LRTM2: variants seen among roughly 807,000 people sequenced by gnomAD.
The protein encoded by LRTM2 is leucine rich repeat transmembrane protein 2, also known as leucine-rich repeat and transmembrane domain-containing protein 2.
LRTM2 carries 18 observed loss-of-function variants against 28.1 expected under a neutral mutation model. The ratio of observed to expected loss-of-function variants is 0.64; its 90% CI spans 0.44 to 0.95. LRTM2 has a LOEUF of 0.95. Among genes scored for constraint, LRTM2 ranks in the 40% least tolerant of loss-of-function variants. The probability of loss-of-function intolerance (pLI) is 0.00; values close to 1 mark genes in which losing one functional copy is unlikely to be tolerated. For synonymous variants in LRTM2, 250 were observed against 218.7 expected, an observed-to-expected ratio of 1.14 and a Z score of -1.26; for missense variants, 436 against 497.2, an observed-to-expected ratio of 0.88 and a Z score of 1.17.
rs1026162791 is a variant in LRTM2, at chr12:1,831,062, C to T, written c.195C>T (p.Asp65=). 97 of 1,613,960 alleles carry T rather than the reference C, an allele frequency of 6.0e-5. No homozygotes were observed. Among genetic ancestry groups the T allele is most frequent in the Middle Eastern group, 1.6e-4 (1 of 6,084 alleles). The change falls in exon 4 of 5, where the codon GAC becomes GAT. Residue 65 remains aspartate (D), a synonymous_variant. Coordinates refer to ENST00000299194, the MANE Select transcript of LRTM2 (RefSeq NM_001039029.3). The part of the protein sequence containing the change: ...SGLGLTTVPP[D]VPAATRTLLL... ...TTGGCCTCACCACGGTGCCCCCAGA[C>T]GTGCCCGCAGCCACCCGAACCCTCT...
At chr12:1,827,807 T>A in intron 2 of LRTM2, 1 of 298,334 alleles carries the variant, frequency 3.4e-6, no homozygotes, top group Non-Finnish European at 6.2e-6. Context: ...AGAAGGCAGA[T>A]GAGGCTGGGT....
intron 1 of LRTM2, among the ~76,000 whole-genome samples, chr12:1,824,271 T>A (rs1310524249): frequency 1.3e-5 from 2 of 152,212 alleles, no homozygotes; most frequent in African/African-American, 4.8e-5. Context: ...GGGGATCTTG[T>A]TAAAATGCGG....
Position 1,821,634 on chromosome 12 carries a change from C to T in LRTM2, c.-259+820C>T, listed in dbSNP as rs58625032. The stretch of plus-strand genomic sequence containing the variant: ...CTGAGCTTGGGTGGGGGGTACACAG[C>T]GGGGCCAGGCCTGCCTGGCTTCTTG... On this transcript the variant is annotated intron_variant, in intron 1 of 4. Coordinates refer to ENST00000299194, the MANE Select transcript of LRTM2 (RefSeq NM_001039029.3). Among the ~76,000 whole-genome samples, 526 of 152,224 alleles carry T rather than the reference C, an allele frequency of 3.5e-3. 2 individuals are homozygous for T. The highest frequency in any genetic ancestry group is 0.012 in the African/African-American group (491 of 41,546).
rs1050848722 is a variant in LRTM2 at position 1,828,802 on chromosome 12, C to T, written c.67+587C>T. Reference sequence around the variant, plus strand: ...CCTCCTGCATATAGGCAGACTGAGCCGTCCATTTACCAAAAAGGGGAGGAA... The same window carrying T: ...CCTCCTGCATATAGGCAGACTGAGCTGTCCATTTACCAAAAAGGGGAGGAA... On this transcript the variant is annotated intron_variant, in intron 3 of 4. Coordinates refer to ENST00000299194, the MANE Select transcript of LRTM2 (RefSeq NM_001039029.3). This position sits in a 1 kb window ranked among gnomAD's most constrained non-coding sequence, Gnocchi z 4.2. Among the ~76,000 whole-genome samples, 6 of 152,130 alleles carry T rather than the reference C, an allele frequency of 3.9e-5. No homozygotes were observed. Among genetic ancestry groups the T allele is most frequent in the African/African-American group, 1.2e-4 (5 of 41,438 alleles).
Position 1,834,214 on chromosome 12 carries a change from G to C in LRTM2, c.659-53G>C. ...TTGGGGAGCTGGGGATGGGGAGAGG[G>C]AGTGCAAGTTCTAGATGCCTGGTCA... On this transcript the variant is annotated intron_variant, in intron 4 of 4. Coordinates refer to ENST00000299194, the MANE Select transcript of LRTM2 (RefSeq NM_001039029.3). This position sits in a 1 kb window ranked among gnomAD's most constrained non-coding sequence, Gnocchi z 7.6. 2 of 1,511,982 alleles carry C rather than the reference G, an allele frequency of 1.3e-6. No homozygotes were observed. Among genetic ancestry groups the C allele is most frequent in the South Asian group, 2.7e-5 (2 of 75,064 alleles). The allele number at this position is 1,511,982 out of a possible 1,614,324, so 93.7% of individuals were successfully genotyped here.
intron 3 of LRTM2, among the ~76,000 whole-genome samples, chr12:1,830,259 C>G (rs1864561465): frequency 1.3e-5 from 2 of 152,224 alleles, no homozygotes; most frequent in African/African-American, 2.4e-5. Context: ...CAGTGGGACC[C>G]TAGGTGCACA....
In LRTM2 at chr12:1,828,201, G is replaced by GTGTCACA; in HGVS notation, c.53_54insTGTCACA (p.Trp18CysfsTer31). 6.5e-7 allele frequency: 1 copy of GTGTCACA among 1,546,788 alleles called. No individual in the cohort carries two copies. The highest frequency in any genetic ancestry group is 8.7e-7 in the Non-Finnish European group (1 of 1,145,278). On this transcript the variant is annotated frameshift_variant, in exon 3 of 5. Coordinates refer to ENST00000299194, the MANE Select transcript of LRTM2 (RefSeq NM_001039029.3). LOFTEE classifies it high-confidence loss of function. The surrounding 1 kb of genome is among the most constrained non-coding windows in gnomAD (Gnocchi z 4.2). ...CAGAGGGGCAGGCTCGCCCTGCAGT[G>GTGTCACA]GAGGCAAGTCTCCTGTGAGTACACC...
intron 3 of LRTM2, 121 bp from the exon 4 acceptor site, chr12:1,830,814 G>A (rs1864588112): frequency 5.1e-6 from 4 of 783,056 alleles, no homozygotes; most frequent in South Asian, 1.9e-5. Flanking sequence ...TGCATTGATT[G>A]TGGCTTGTGC....
Position 1,828,044 on chromosome 12 carries a change from C to A in LRTM2, c.-73-32C>A. ...CTGGGCTGGAACGGGGCTCCCGCGCCTGCCTGTGCTCAGTGCTCCTCCCTC... is the reference window on the plus strand; with the variant it reads ...CTGGGCTGGAACGGGGCTCCCGCGCATGCCTGTGCTCAGTGCTCCTCCCTC... On this transcript the variant is annotated intron_variant, in intron 2 of 4. Transcript: ENST00000299194. The surrounding 1 kb of genome is among the most constrained non-coding windows in gnomAD (Gnocchi z 4.2). 8.9e-7 allele frequency: 1 copy of A among 1,127,792 alleles called. No individual in the cohort carries two copies. Among genetic ancestry groups the A allele is most frequent in the Admixed American group, 3.3e-5 (1 of 30,422 alleles). 69.9% of individuals were successfully genotyped at this position (1,127,792 alleles called of 1,614,324 possible).
chr12:1,828,397 C>G lies in LRTM2; in HGVS notation c.67+182C>G, dbSNP rs1001744792. Among the ~76,000 whole-genome samples, 1 of 152,222 alleles carries G rather than the reference C, an allele frequency of 6.6e-6. No individual in the cohort carries two copies. The highest frequency in any genetic ancestry group is 1.5e-5 in the Non-Finnish European group (1 of 68,034). ...GGGTCACGCCCACGGTGACAGCATC[C>G]CTGCCAGTCAGAGTCACCGCTGAGT... On this transcript the variant is annotated intron_variant, in intron 3 of 4. Transcript: ENST00000299194. This position sits in a 1 kb window ranked among gnomAD's most constrained non-coding sequence, Gnocchi z 4.2.
chr12:1,832,492 A>G (rs1864678546), intron 4 of LRTM2, among the ~76,000 whole-genome samples: 1 of 152,246 alleles, frequency 6.6e-6, no homozygotes, highest in Non-Finnish European at 1.5e-5. Context: ...AAGATGCTCA[A>G]TGAATGTTTG....
chr12:1,828,087 G>T lies in LRTM2; in HGVS notation c.-62G>T. 1 of 1,434,448 alleles carries T rather than the reference G, an allele frequency of 7.0e-7. No homozygotes were observed. Among genetic ancestry groups the T allele is most frequent in the Non-Finnish European group, 9.2e-7 (1 of 1,082,482 alleles). 88.9% of individuals were successfully genotyped at this position (1,434,448 alleles called of 1,614,324 possible). A position where few individuals can be genotyped will look rare whatever the true frequency, so the allele number is the denominator to read the frequency against. ...CCTCCCTCCCTCAGGACTGACAGGC[G>T]GCGCACCCAGGGGCTCCTCTCTCCC... On this transcript the variant is annotated 5_prime_UTR_variant, in exon 3 of 5. Coordinates refer to ENST00000299194, the MANE Select transcript of LRTM2 (RefSeq NM_001039029.3). The surrounding 1 kb of genome is among the most constrained non-coding windows in gnomAD (Gnocchi z 4.2).
intron 1 of LRTM2, among the ~76,000 whole-genome samples, chr12:1,826,410 C>G (rs11831740): frequency 6.8e-4 from 54 of 79,284 alleles, no homozygotes; most frequent in East Asian, 2.9e-3. Context: ...GCCCCCCCCC[C>G]CCCCCCGCCA....
At chr12:1,832,683 C>A (rs1864685537) in intron 4 of LRTM2, among the ~76,000 whole-genome samples, 6 of 152,204 alleles carry the variant, frequency 3.9e-5, no homozygotes. Flanking sequence ...TCACTATGAT[C>A]ATTTCCCCCA....
At chr12:1,830,109 C>T (rs893596428) in intron 3 of LRTM2, among the ~76,000 whole-genome samples, 4 of 152,258 alleles carry the variant, frequency 2.6e-5, no homozygotes, top group Admixed American at 2.6e-4. Context: ...TGCAGGAATG[C>T]TGCCCTGTAG....
At chr12:1,826,511 T>A (rs1416256823) in intron 1 of LRTM2, among the ~76,000 whole-genome samples, 1 of 137,856 alleles carries the variant, frequency 7.3e-6, no homozygotes, top group Admixed American at 8.3e-5. Context: ...CCACCCCTCA[T>A]GCCAGGGACG....
At chr12:1,825,105 C>G (rs1429983089) in intron 1 of LRTM2, among the ~76,000 whole-genome samples, 1 of 152,242 alleles carries the variant, frequency 6.6e-6, no homozygotes, top group African/African-American at 2.4e-5. Flanking sequence ...ATTGTGGGGA[C>G]TTGCCGGACT....
intron 4 of LRTM2, among the ~76,000 whole-genome samples, 165 bp downstream of exon 4, chr12:1,831,690 C>G (rs1483322856): frequency 6.6e-6 from 1 of 152,174 alleles, no homozygotes; most frequent in Non-Finnish European, 1.5e-5. Context: ...CAAGCCTCCC[C>G]TCACATGAGC....
chr12:1,827,211 G>A (rs1031283673), intron 1 of LRTM2, among the ~76,000 whole-genome samples, 199 bp from the exon 2 acceptor site: 14 of 152,144 alleles, frequency 9.2e-5, no homozygotes, highest in African/African-American at 2.7e-4. Context: ...CTGGCAGCCT[G>A]GGCCTCCCAT....
Sources: allele counts gnomAD v4.1 joint callset (sites outside exome capture counted in the v4.1 genomes callset), GRCh38; gene constraint gnomAD v4.1.1; non-coding constraint Gnocchi (gnomAD v3.1); transcripts MANE v1.5; gene names NCBI Gene and HGNC (gene_info 2026-07-23, HGNC 2026-07-21).